NLGN1: variants seen among roughly 807,000 people sequenced by gnomAD.
The protein encoded by NLGN1 is neuroligin-1.
Under a neutral mutation model 65.5 loss-of-function variants are expected in NLGN1, and 12 were observed. The ratio of observed to expected loss-of-function variants is 0.18; its 90% confidence interval spans 0.12 to 0.30. The LOEUF is 0.30. Ranked by LOEUF, NLGN1 falls within the 10% of genes least tolerant of loss-of-function variation. The pLI is 1.00. For missense variants in NLGN1, 750 were observed against 1,007.1 expected, an observed-to-expected ratio of 0.74 and a Z score of 3.46; for synonymous variants, 350 against 359.5, an observed-to-expected ratio of 0.97 and a Z score of 0.30.
intron 4 of NLGN1, among the ~76,000 whole-genome samples, chr3:173,985,964 T>C (rs1266039791): frequency 6.6e-6 from 1 of 151,602 alleles, no homozygotes; most frequent in Non-Finnish European, 1.5e-5. Context: ...ACAAAAACAA[T>C]TTAAAAAAAA....
At chr3:174,290,222 G>A (rs190987792), downstream of NLGN1, among the ~76,000 whole-genome samples, 72 of 150,672 alleles carry the variant, frequency 4.8e-4, no homozygotes, top group South Asian at 2.5e-3. Flanking sequence ...TTTGTCTACC[G>A]TATTTCATGA....
At chr3:174,217,837 G>T (rs1208476162) in intron 4 of NLGN1, among the ~76,000 whole-genome samples, 1 of 151,938 alleles carries the variant, frequency 6.6e-6, no homozygotes, top group East Asian at 1.9e-4. Context: ...TCAAATAGGG[G>T]ACTATATACA....
intron 2 of NLGN1, among the ~76,000 whole-genome samples, chr3:173,480,021 T>C (rs1316517714): frequency 6.6e-6 from 1 of 152,130 alleles, no homozygotes; most frequent in Non-Finnish European, 1.5e-5. Context: ...TGTAAAGAGA[T>C]GGACAATTTT....
At chr3:173,474,524 A>G (rs1485435330) in intron 2 of NLGN1, among the ~76,000 whole-genome samples, 1 of 152,212 alleles carries the variant, frequency 6.6e-6, no homozygotes, top group Non-Finnish European at 1.5e-5. Context: ...TTTATGAGAA[A>G]AGGAAAACCT....
chr3:174,119,169 TA>T (rs1717217732), intron 4 of NLGN1, among the ~76,000 whole-genome samples: 1 of 152,192 alleles, frequency 6.6e-6, no homozygotes, highest in Non-Finnish European at 1.5e-5. Flanking sequence ...TGCCTTCTTT[TA>T]CCCACAGCAC....
chr3:173,754,855 T>G (rs1199296381), intron 3 of NLGN1, among the ~76,000 whole-genome samples: 1 of 152,108 alleles, frequency 6.6e-6, no homozygotes, highest in Non-Finnish European at 1.5e-5. Context: ...TTTACCACTT[T>G]TTATGTCAAC....
chr3:173,541,146 C>T (rs1208833083), intron 2 of NLGN1, among the ~76,000 whole-genome samples: 1 of 152,082 alleles, frequency 6.6e-6, no homozygotes, highest in Non-Finnish European at 1.5e-5. Flanking sequence ...TGTTTTACAG[C>T]TTGTACACAA....
chr3:174,192,302 A>G (rs1223437306), intron 4 of NLGN1, among the ~76,000 whole-genome samples: 1 of 152,196 alleles, frequency 6.6e-6, no homozygotes, highest in African/African-American at 2.4e-5. Flanking sequence ...ATTATTTGAA[A>G]AATGAATGGA....
chr3:173,541,028 A>G (rs60375383), intron 2 of NLGN1, among the ~76,000 whole-genome samples: 12,292 of 152,194 alleles, frequency 0.081, 1,568 homozygotes, highest in African/African-American at 0.28. Context: ...TAAATACACA[A>G]GCACAGTGAC....
chr3:173,845,649 T>TAGATAGAA (rs1725634204), intron 4 of NLGN1, among the ~76,000 whole-genome samples: 1 of 151,552 alleles, frequency 6.6e-6, no homozygotes, highest in Non-Finnish European at 1.5e-5. Flanking sequence ...GATAGATAGA[T>TAGATAGAA]AAATAGACGA....
intron 3 of NLGN1, among the ~76,000 whole-genome samples, chr3:173,636,480 T>C (rs1185227416): frequency 2.0e-5 from 3 of 152,248 alleles, no homozygotes; most frequent in East Asian, 1.9e-4. Context: ...TCTCTTTTTT[T>C]CCCTTTGATT....
chr3:173,683,354 G>T (rs1260387399), intron 3 of NLGN1, among the ~76,000 whole-genome samples: 1 of 151,964 alleles, frequency 6.6e-6, no homozygotes, highest in African/African-American at 2.4e-5. Flanking sequence ...ACTGCTTTTA[G>T]TGAGTGCTGG....
rs1227030593 is a variant in NLGN1 at position 173,446,965 on chromosome 3, C to T, written c.-321+11887C>T. Among the ~76,000 whole-genome samples the T allele has an allele frequency of 3.3e-5, 5 of 152,148 alleles. No individual in the cohort carries two copies. The East Asian group carries it at 7.7e-4, about 23-fold the overall frequency. ...GTTCATTGTAGATTCTGGATATTAG[C>T]CCTTTGTCAGATGAGTAGGTTGCAA... On this transcript the variant is annotated intron_variant, in intron 2 of 6. Transcript: ENST00000457714.
chr3:174,265,669 C>T (rs1310701539), intron 4 of NLGN1, among the ~76,000 whole-genome samples: 1 of 151,324 alleles, frequency 6.6e-6, no homozygotes, highest in Non-Finnish European at 1.5e-5. Flanking sequence ...AGCTGTAGAC[C>T]GGAGCTGTTC....
chr3:174,063,278 T>G (rs1737798615), intron 4 of NLGN1, among the ~76,000 whole-genome samples: 1 of 152,124 alleles, frequency 6.6e-6, no homozygotes, highest in Non-Finnish European at 1.5e-5. Context: ...AATTAAGGCT[T>G]AAATAAATAC....
intron 4 of NLGN1, 88 bp downstream of exon 4, chr3:173,807,920 G>A: frequency 5.9e-6 from 8 of 1,353,430 alleles, no homozygotes; most frequent in Non-Finnish European, 8.3e-6. Context: ...GCTTTGCTTT[G>A]TTTCACCCAT....
At chr3:173,448,474 T>C (rs146876062) in intron 2 of NLGN1, among the ~76,000 whole-genome samples, 4,677 of 152,344 alleles carry the variant, frequency 0.031, 238 homozygotes, top group African/African-American at 0.11. Flanking sequence ...CAGTATTTTA[T>C]TGAGGATTTT....
At chr3:173,400,250 A>T (rs1173904213) in intron 1 of NLGN1, among the ~76,000 whole-genome samples, 1 of 152,032 alleles carries the variant, frequency 6.6e-6, no homozygotes, top group Non-Finnish European at 1.5e-5. Flanking sequence ...TCTAGACTTA[A>T]TATTATTATT....
intron 4 of NLGN1, among the ~76,000 whole-genome samples, chr3:174,065,255 T>C (rs1738267579): frequency 6.6e-6 from 1 of 151,994 alleles, no homozygotes; most frequent in Non-Finnish European, 1.5e-5. Context: ...AAATGTATTA[T>C]CAAAGAGCTT....
Sources: gnomAD v4.1 joint callset for allele counts (sites outside exome capture counted in the v4.1 genomes callset) on GRCh38, gnomAD v4.1.1 for gene constraint, MANE v1.5 for transcripts, NCBI Gene and HGNC (gene_info 2026-07-23, HGNC 2026-07-21) for gene names.